NCMAP: variants seen among roughly 807,000 people sequenced by gnomAD.
NCMAP encodes the protein noncompact myelin-associated protein.
NCMAP carries 8 observed loss-of-function variants against 7.8 expected under a neutral mutation model. That is an observed-to-expected ratio of 1.02 (90% confidence interval 0.60 to 1.84). The LOEUF is 1.84. NCMAP is among the 40% of genes most tolerant of loss of function. NCMAP has a pLI of 0.00. For missense variants in NCMAP, 112 were observed against 131.4 expected (o/e 0.85, Z 0.72); for synonymous variants, 41 against 52.9 (o/e 0.78, Z 0.98).
At chr1:24,594,016 C>T (rs998179893) in intron 1 of NCMAP, among the ~76,000 whole-genome samples, 5 of 151,260 alleles carry the variant, frequency 3.3e-5, no homozygotes, top group African/African-American at 4.8e-5. Flanking sequence ...CTCAGCCTCC[C>T]GAGTAGCCGG....
In NCMAP at chr1:24,576,658, G is replaced by T. The variant is rs1272734116; in HGVS notation, c.-7-18766G>T. On this transcript the variant is annotated intron_variant, in intron 1 of 3. Transcript: ENST00000374392. The surrounding 1 kb of genome is among the most constrained non-coding windows in gnomAD (Gnocchi z 4.0). ...AACTGCAGTCCAGACAGAACAAGTG[G>T]CCTGCCCCAGGTCACACAGAAAGTA... 1.3e-5 allele frequency among the ~76,000 whole-genome samples: 2 copies of T among 152,146 alleles called. No individual in the cohort carries two copies. Among genetic ancestry groups the T allele is most frequent in the East Asian group, 3.9e-4 (2 of 5,188 alleles).
intron 1 of NCMAP, among the ~76,000 whole-genome samples, chr1:24,584,782 AT>A (rs1651831370): frequency 6.6e-6 from 1 of 151,992 alleles, no homozygotes; most frequent in South Asian, 2.1e-4. Context: ...TCAGGACATA[AT>A]CCCCTTGGCC....
At position 24,556,821 on chromosome 1, in the gene NCMAP, T is replaced by A. The variant is rs1437585698; in HGVS notation, c.-8+652T>A. On this transcript the variant is annotated intron_variant, in intron 1 of 3. Transcript: ENST00000374392. Reference sequence around the variant, plus strand: ...TAGAGAGACCAAGGCAGCCCTTGAGTCTGGGAGAAGATTCTGGAAGGCCCC... The same window carrying A: ...TAGAGAGACCAAGGCAGCCCTTGAGACTGGGAGAAGATTCTGGAAGGCCCC... Among the ~76,000 whole-genome samples, 3 of 151,776 alleles carry A rather than the reference T, an allele frequency of 2.0e-5. No homozygotes were observed. The East Asian group carries it at 5.8e-4, about 29-fold the overall frequency.
At chr1:24,599,725 A>C (rs12049287) in intron 2 of NCMAP, among the ~76,000 whole-genome samples, 2 of 151,090 alleles carry the variant, frequency 1.3e-5, no homozygotes, top group Non-Finnish European at 3.0e-5. Context: ...TTACAGGCAC[A>C]TGCCATCACG....
chr1:24,603,893 A>G (rs1652593086), intron 3 of NCMAP, among the ~76,000 whole-genome samples: 1 of 152,270 alleles, frequency 6.6e-6, no homozygotes, highest in Non-Finnish European at 1.5e-5. Context: ...ATCACAGAAT[A>G]TCTGAGACTG....
In NCMAP at chr1:24,609,125, G is replaced by T. The variant is rs546713493; in HGVS notation, c.*3378G>T. ...GAAGGGTTCCTATGTGCAAGTTGAG[G>T]TGCTACTAAGTACATTAAGACACAA... is the stretch of plus-strand genomic sequence containing the variant. On this transcript the variant is annotated 3_prime_UTR_variant, in exon 4 of 4. Transcript: ENST00000374392. The T allele has an allele frequency of 6.6e-6, 1 of 152,260 alleles. No individual in the cohort carries two copies. Among genetic ancestry groups the T allele is most frequent in the Admixed American group, 6.5e-5 (1 of 15,292 alleles). The allele number at this position is 152,260 out of a possible 1,614,324, so 9.4% of individuals were successfully genotyped here.
At chr1:24,557,368 T>A (rs1320334426) in intron 1 of NCMAP, among the ~76,000 whole-genome samples, 1 of 152,074 alleles carries the variant, frequency 6.6e-6, no homozygotes, top group Non-Finnish European at 1.5e-5. Context: ...AGGCACCCCC[T>A]CTTATGGTGC....
chr1:24,597,594 G>GAAGA lies in NCMAP; in HGVS notation c.82+2103_82+2106dup, dbSNP rs201917510. 3.5e-4 allele frequency among the ~76,000 whole-genome samples: 32 copies of GAAGA among 92,688 alleles called. 1 individual carries two copies. The highest frequency in any genetic ancestry group is 7.2e-4 in the South Asian group (2 of 2,760). 60.8% of individuals were successfully genotyped at this position (92,688 alleles called of 152,430 possible). ...TCCTGTAAAAACAAAAGAGAAGAAA[G>GAAGA]AAGAAAGAAAGAAAGAAAGAAAGAG... On this transcript the variant is annotated intron_variant, in intron 2 of 3. Transcript: ENST00000374392.
chr1:24,583,240 G>A (rs979192180), intron 1 of NCMAP, among the ~76,000 whole-genome samples: 1 of 140,142 alleles, frequency 7.1e-6, no homozygotes, highest in Non-Finnish European at 1.5e-5. Context: ...GGCATCTAGT[G>A]AGCAGAGAGG....
chr1:24,577,411 T>TTTTG (rs1651612432), intron 1 of NCMAP, among the ~76,000 whole-genome samples: 1 of 118,206 alleles, frequency 8.5e-6, no homozygotes, highest in Admixed American at 7.8e-5. Context: ...GTTTTTTTTT[T>TTTTG]TTTTTTTTTT....
At chr1:24,570,451 T>C (rs1205354183) in intron 1 of NCMAP, among the ~76,000 whole-genome samples, 1 of 150,698 alleles carries the variant, frequency 6.6e-6, no homozygotes, top group African/African-American at 2.5e-5. Context: ...GCCGTGATTG[T>C]GCCACTGCAC....
At chr1:24,571,951 G>A (rs1651402207) in intron 1 of NCMAP, among the ~76,000 whole-genome samples, 1 of 150,786 alleles carries the variant, frequency 6.6e-6, no homozygotes, top group Admixed American at 6.6e-5. Context: ...TAATTCCATG[G>A]GCATTTTGCA....
rs74062024 is a variant in NCMAP at position 24,595,174 on chromosome 1, A to C, written c.-7-250A>C. Among the ~76,000 whole-genome samples, 911 of 152,314 alleles carry C rather than the reference A, an allele frequency of 6.0e-3. 10 individuals carry two copies. Among genetic ancestry groups the C allele is most frequent in the African/African-American group, 0.021 (870 of 41,564 alleles). ...TCGAGAGATTGATCCAGATATTTGA[A>C]GGAGTTGAGTAAATATGGTTGAATA... is the stretch of plus-strand genomic sequence containing the variant. On this transcript the variant is annotated intron_variant, in intron 1 of 3. Coordinates refer to ENST00000374392, the MANE Select transcript of NCMAP (RefSeq NM_001010980.5).
chr1:24,589,011 T>G (rs969178239), intron 1 of NCMAP, among the ~76,000 whole-genome samples: 4 of 152,186 alleles, frequency 2.6e-5, no homozygotes, highest in South Asian at 2.1e-4. Context: ...AATCCTGGCA[T>G]GGTTGGCATA....
rs1473201870 is a variant in NCMAP at position 24,569,606 on chromosome 1, T to A, written c.-8+13437T>A. ...TGTACTTGGCCTAAGTTCTACCTAGTTCTGCCGCTTTCACTGGCTGTGTGA... is the reference window on the plus strand; with the variant it reads ...TGTACTTGGCCTAAGTTCTACCTAGATCTGCCGCTTTCACTGGCTGTGTGA... On this transcript the variant is annotated intron_variant, in intron 1 of 3. Transcript: ENST00000374392. Among the ~76,000 whole-genome samples, 4 of 150,802 alleles carry A rather than the reference T, an allele frequency of 2.7e-5. No homozygotes were observed. The East Asian group carries it at 7.7e-4, about 29-fold the overall frequency.
chr1:24,598,965 G>A (rs992107730), intron 2 of NCMAP, among the ~76,000 whole-genome samples: 2 of 151,456 alleles, frequency 1.3e-5, no homozygotes, highest in African/African-American at 4.8e-5. Flanking sequence ...TATCAATTCC[G>A]ACAAGGATGT....
At position 24,575,816 on chromosome 1, in the gene NCMAP, G is replaced by T. The variant is rs919304295; in HGVS notation, c.-7-19608G>T. On this transcript the variant is annotated intron_variant, in intron 1 of 3. Transcript: ENST00000374392. Reference sequence around the variant, plus strand: ...CAAAATTAGCCGGGCGTGGTGGCATGTGCCTGTAATTCCAGCTACTTGGGA... The same window carrying T: ...CAAAATTAGCCGGGCGTGGTGGCATTTGCCTGTAATTCCAGCTACTTGGGA... Among the ~76,000 whole-genome samples the T allele has an allele frequency of 2.7e-5, 4 of 149,458 alleles. No homozygotes were observed. The East Asian group carries it at 7.9e-4, about 30-fold the overall frequency.
rs71032831 is a variant in NCMAP at position 24,597,617 on chromosome 1, GAGAAAGAAAGAAAGAA to G, written c.82+2147_82+2162del. ...AAGAAGAAAGAAAGAAAGAAAGAAA[GAGAAAGAAAGAAAGAA>G]AGAAAGAAAGAAAGAAAGAAAGAAA... On this transcript the variant is annotated intron_variant, in intron 2 of 3. Transcript: ENST00000374392. Among the ~76,000 whole-genome samples the G allele has an allele frequency of 4.1e-3, 359 of 87,504 alleles. 6 individuals carry two copies. The highest frequency in any genetic ancestry group is 0.026 in the East Asian group (74 of 2,822). 57.4% of individuals were successfully genotyped at this position (87,504 alleles called of 152,430 possible).
At chr1:24,591,888 T>C (rs1652059672) in intron 1 of NCMAP, among the ~76,000 whole-genome samples, 2 of 152,224 alleles carry the variant, frequency 1.3e-5, no homozygotes, top group Admixed American at 1.3e-4. Flanking sequence ...ATTCTGACCC[T>C]GTGAAGCCCC....
Sources: gnomAD v4.1 joint callset for allele counts (sites outside exome capture counted in the v4.1 genomes callset) on GRCh38, gnomAD v4.1.1 for gene constraint, Gnocchi (gnomAD v3.1) non-coding constraint, MANE v1.5 for transcripts, NCBI Gene and HGNC (gene_info 2026-07-23, HGNC 2026-07-21) for gene names.